Variants in KLF12 observed in about 807,000 individuals in gnomAD.
KLF12 encodes Krueppel-like factor 12.
KLF12 carries 9 observed loss-of-function variants against 37.8 expected under a neutral mutation model. The ratio of observed to expected loss-of-function variants is 0.24; its 90% CI spans 0.14 to 0.42. The LOEUF is 0.42. Among genes scored for constraint, KLF12 ranks in the 10% least tolerant of loss-of-function variants. KLF12 has a pLI of 1.00. For missense variants in KLF12, 411 were observed against 516.0 expected, an observed-to-expected ratio of 0.80 and a Z score of 1.97; for synonymous variants, 208 against 202.1, an observed-to-expected ratio of 1.03 and a Z score of -0.25.
chr13:73,787,396 T>C (rs748981642), intron 5 of KLF12, among the ~76,000 whole-genome samples: 3 of 152,210 alleles, frequency 2.0e-5, no homozygotes, highest in Non-Finnish European at 2.9e-5. Flanking sequence ...CTGTATTCTC[T>C]CCAGGGTAAA....
intron 3 of KLF12, among the ~76,000 whole-genome samples, chr13:73,917,535 A>T (rs964653606): frequency 6.6e-6 from 1 of 152,232 alleles, no homozygotes; most frequent in Non-Finnish European, 1.5e-5. Flanking sequence ...CTTTTAGTTT[A>T]TACTATGTAC....
At chr13:73,775,110 C>T (rs1880528623) in intron 5 of KLF12, among the ~76,000 whole-genome samples, 1 of 151,814 alleles carries the variant, frequency 6.6e-6, no homozygotes, top group South Asian at 2.1e-4. Context: ...TAGAGACAGG[C>T]TTTTGCCATA....
chr13:73,835,660 G>C (rs1443864364), intron 4 of KLF12, among the ~76,000 whole-genome samples: 1 of 152,060 alleles, frequency 6.6e-6, no homozygotes, highest in Non-Finnish European at 1.5e-5. Flanking sequence ...TTTTTGGACA[G>C]GAACCACAGT....
At chr13:74,147,258 G>A in the KLF12 span, among the ~76,000 whole-genome samples, 1 of 151,966 alleles carries the variant, frequency 6.6e-6, no homozygotes, top group African/African-American at 2.4e-5. Context: ...TGGGGAACAA[G>A]TGCACCCCTT....
At chr13:73,978,374 T>C (rs532714023) in intron 2 of KLF12, among the ~76,000 whole-genome samples, 1 of 152,264 alleles carries the variant, frequency 6.6e-6, no homozygotes, top group East Asian at 1.9e-4. Flanking sequence ...CCACATTATA[T>C]GATATCAGGG....
chr13:74,091,975 C>G (rs1435958859), intron 1 of KLF12, among the ~76,000 whole-genome samples: 2 of 148,708 alleles, frequency 1.3e-5, no homozygotes, highest in Non-Finnish European at 3.0e-5. Context: ...CATAAAACTG[C>G]TCTAAAACAA....
the KLF12 span, among the ~76,000 whole-genome samples, chr13:74,150,088 T>C: frequency 6.6e-6 from 1 of 152,214 alleles, no homozygotes; most frequent in Admixed American, 6.5e-5. Context: ...CTTTTTATTT[T>C]CTCTCTCCCT....
intron 3 of KLF12, among the ~76,000 whole-genome samples, chr13:73,900,727 CA>C (rs539873731): frequency 2.4e-4 from 37 of 152,084 alleles, no homozygotes; most frequent in South Asian, 6.2e-4. Context: ...ATTCTGCTGC[CA>C]AAATTAGTCA....
chr13:73,893,233 T>A (rs1887597334), intron 3 of KLF12, among the ~76,000 whole-genome samples: 1 of 152,068 alleles, frequency 6.6e-6, no homozygotes, highest in Admixed American at 6.6e-5. Context: ...ACACAATCCA[T>A]GTGATCTAAT....
chr13:74,164,446 A>G, the KLF12 span, among the ~76,000 whole-genome samples: 2 of 152,210 alleles, frequency 1.3e-5, no homozygotes, highest in Non-Finnish European at 2.9e-5. Context: ...TTAACACATG[A>G]AAGTAGGTAG....
chr13:73,904,023 T>G (rs1436543962), intron 3 of KLF12, among the ~76,000 whole-genome samples: 1 of 152,172 alleles, frequency 6.6e-6, no homozygotes, highest in African/African-American at 2.4e-5. Context: ...CTAGTGAACA[T>G]GAGGCAGCAG....
the KLF12 span, among the ~76,000 whole-genome samples, chr13:74,221,670 C>G: frequency 0.2 from 30,114 of 152,078 alleles, 3,809 homozygotes; most frequent in African/African-American, 0.36. Flanking sequence ...TTTATAATTG[C>G]TTATTAGACC....
chr13:73,696,648 A>G (rs181637120), intron 7 of KLF12, among the ~76,000 whole-genome samples: 66 of 152,260 alleles, frequency 4.3e-4, no homozygotes, highest in African/African-American at 1.6e-3. Context: ...TGGTGAAAAG[A>G]GCCTAAGATA....
chr13:73,957,449 A>C (rs1437398067), intron 2 of KLF12, among the ~76,000 whole-genome samples: 2 of 152,184 alleles, frequency 1.3e-5, no homozygotes, highest in African/African-American at 4.8e-5. Context: ...AACTAAGGAA[A>C]TCTCTCTGGC....
the KLF12 span, among the ~76,000 whole-genome samples, chr13:74,210,546 C>T: frequency 2.6e-5 from 4 of 152,116 alleles, no homozygotes; most frequent in African/African-American, 7.2e-5. Context: ...ATCTGTGAGA[C>T]GATGTCATTT....
the KLF12 span, among the ~76,000 whole-genome samples, chr13:74,213,083 TA>T: frequency 6.6e-6 from 1 of 152,106 alleles, no homozygotes; most frequent in African/African-American, 2.4e-5. Flanking sequence ...TATCAGCAAA[TA>T]AAAGCTAAAA....
intron 7 of KLF12, among the ~76,000 whole-genome samples, chr13:73,701,627 A>C (rs1593976139): frequency 6.6e-6 from 1 of 152,198 alleles, no homozygotes; most frequent in Non-Finnish European, 1.5e-5. Context: ...TTGCCAATAA[A>C]TCTTAATAAG....
the KLF12 span, among the ~76,000 whole-genome samples, chr13:74,222,679 C>A: frequency 6.6e-6 from 1 of 152,082 alleles, no homozygotes; most frequent in African/African-American, 2.4e-5. Context: ...TTTCAGATAA[C>A]CTGGGAGATA....
chr13:74,151,471 C>T, the KLF12 span, among the ~76,000 whole-genome samples: 1 of 151,714 alleles, frequency 6.6e-6, no homozygotes, highest in Non-Finnish European at 1.5e-5. Context: ...GGCAACAATG[C>T]GAAAACCTGT....
Sources: allele counts gnomAD v4.1 joint callset (sites outside exome capture counted in the v4.1 genomes callset), GRCh38; gene constraint gnomAD v4.1.1; transcripts MANE v1.5; gene names NCBI Gene and HGNC (gene_info 2026-07-23, HGNC 2026-07-21).